SLMAP: variants seen among roughly 807,000 people sequenced by gnomAD.
The protein encoded by SLMAP is sarcolemma associated protein, also known as sarcolemmal membrane-associated protein.
A neutral mutation model predicts 128.8 loss-of-function variants in SLMAP; 44 were observed. The ratio of observed to expected loss-of-function variants is 0.34; its 90% CI spans 0.27 to 0.44. The LOEUF (loss-of-function observed/expected upper bound fraction) is 0.44, where lower values mean the gene tolerates loss of function less well. Ranked by LOEUF, SLMAP falls within the 20% of genes least tolerant of loss-of-function variation. The pLI is 1.00. For missense variants in SLMAP, 787 were observed against 985.3 expected (o/e 0.80, Z 2.69); for synonymous variants, 327 against 348.8 (o/e 0.94, Z 0.70).
intron 2 of SLMAP, among the ~76,000 whole-genome samples, chr3:57,828,253 C>T (rs1319055975): frequency 2.0e-5 from 3 of 152,148 alleles, no homozygotes; most frequent in Non-Finnish European, 2.9e-5. Context: ...GCCATCATGC[C>T]CAGCCTAGTT....
chr3:57,786,484 A>G (rs2084130983), intron 2 of SLMAP, among the ~76,000 whole-genome samples: 1 of 152,130 alleles, frequency 6.6e-6, no homozygotes, highest in Non-Finnish European at 1.5e-5. Context: ...CAGTAGAATA[A>G]TTGAGTACAG....
In SLMAP at chr3:57,862,608, A is replaced by C. The variant is rs188928340; in HGVS notation, c.966+522A>C. 1.4e-3 allele frequency among the ~76,000 whole-genome samples: 196 copies of C among 141,222 alleles called. 1 individual carries two copies. The highest frequency in any genetic ancestry group is 4.5e-3 in the African/African-American group (171 of 37,826). The allele number at this position is 141,222 out of a possible 152,430, so 92.6% of individuals were successfully genotyped here. ...AGCCAAGATTGCACCACTGCACTCC[A>C]GCCTGGCGACAGAGCAAGACTTCGT... On this transcript the variant is annotated intron_variant, in intron 10 of 24. Coordinates refer to ENST00000671191, the MANE Select transcript of SLMAP (RefSeq NM_001377540.1).
intron 14 of SLMAP, among the ~76,000 whole-genome samples, chr3:57,887,805 C>T (rs912245950): frequency 6.6e-6 from 1 of 152,084 alleles, no homozygotes; most frequent in Non-Finnish European, 1.5e-5. Context: ...CCCTGATGCC[C>T]AAACAGAACA....
intron 10 of SLMAP, among the ~76,000 whole-genome samples, chr3:57,864,237 G>A (rs1309531117): frequency 2.0e-5 from 3 of 152,036 alleles, no homozygotes; most frequent in Non-Finnish European, 4.4e-5. Context: ...GAGAAACCCC[G>A]TCTCTTCTAA....
intron 10 of SLMAP, among the ~76,000 whole-genome samples, chr3:57,863,570 G>C (rs750684136): frequency 7.2e-5 from 11 of 152,170 alleles, no homozygotes; most frequent in African/African-American, 1.2e-4. Context: ...ATGGCAGAAA[G>C]CAAAGTGGAG....
At chr3:57,823,504 A>G (rs2092690919) in intron 2 of SLMAP, among the ~76,000 whole-genome samples, 1 of 152,166 alleles carries the variant, frequency 6.6e-6, no homozygotes, top group Admixed American at 6.5e-5. Flanking sequence ...TTTGCTGAGA[A>G]TGATGGTTTC....
chr3:57,905,842 A>T (rs2096523406), intron 17 of SLMAP, among the ~76,000 whole-genome samples: 1 of 152,116 alleles, frequency 6.6e-6, no homozygotes, highest in Admixed American at 6.5e-5. Flanking sequence ...GCAATATCTG[A>T]CCAGGAAAAC....
intron 18 of SLMAP, among the ~76,000 whole-genome samples, chr3:57,908,805 G>A (rs1247296626): frequency 3.3e-5 from 5 of 152,150 alleles, no homozygotes; most frequent in Non-Finnish European, 1.5e-5. Flanking sequence ...TATCAAGACT[G>A]TTTCTCATGT....
chr3:57,913,042 A>G (rs1399042014), intron 20 of SLMAP, 116 bp from the exon 21 acceptor site: 1 of 569,396 alleles, frequency 1.8e-6, no homozygotes, highest in African/African-American at 1.9e-5. Context: ...TGTAAAATCT[A>G]CTTGCTTTTA....
chr3:57,782,290 C>G (rs1235235966), intron 2 of SLMAP, among the ~76,000 whole-genome samples: 1 of 152,148 alleles, frequency 6.6e-6, no homozygotes, highest in Non-Finnish European at 1.5e-5. Context: ...TTTAAAATTA[C>G]TTTTTGCTCT....
intron 6 of SLMAP, among the ~76,000 whole-genome samples, chr3:57,854,632 C>G (rs750977447): frequency 9.2e-5 from 14 of 152,032 alleles, no homozygotes; most frequent in Non-Finnish European, 7.4e-5. Flanking sequence ...TTTATATAAA[C>G]AACATTTTTA....
intron 2 of SLMAP, among the ~76,000 whole-genome samples, chr3:57,793,134 A>G (rs1044926133): frequency 6.9e-6 from 1 of 145,966 alleles, no homozygotes; most frequent in Non-Finnish European, 1.5e-5. Context: ...TGTCTCAATA[A>G]GAAAACCCAA....
rs182912506 is a variant in SLMAP at position 57,803,338 on chromosome 3, T to A, written c.199-28045T>A. ...AGATGAATGCATGTACTCTAGTGAA[T>A]AAACAGGCATTCCCCCTTACTAGTA... On this transcript the variant is annotated intron_variant, in intron 2 of 24. Transcript: ENST00000671191. Among the ~76,000 whole-genome samples the A allele has an allele frequency of 2.2e-4, 34 of 152,310 alleles. No homozygotes were observed. In the East Asian group the frequency reaches 6.2e-3, roughly 28 times the overall value.
chr3:57,860,867 A>T, intron 9 of SLMAP, 28 bp downstream of exon 9: 1 of 1,530,340 alleles, frequency 6.5e-7, no homozygotes, highest in Non-Finnish European at 8.9e-7. Flanking sequence ...AAAATACTAA[A>T]TAGTATTATG....
At chr3:57,847,056 G>T in intron 4 of SLMAP, 141 bp from the exon 5 acceptor site, 1 of 592,960 alleles carries the variant, frequency 1.7e-6, no homozygotes, top group South Asian at 2.4e-5. Flanking sequence ...CATTTATGAA[G>T]GATTGAAAAA....
chr3:57,911,592 A>C (rs1412183160), intron 19 of SLMAP, among the ~76,000 whole-genome samples: 1 of 152,128 alleles, frequency 6.6e-6, no homozygotes, highest in Non-Finnish European at 1.5e-5. Context: ...ATAATTCTTG[A>C]TTGTTTACTG....
chr3:57,761,424 A>G (rs1352689705), intron 2 of SLMAP, among the ~76,000 whole-genome samples: 5 of 151,886 alleles, frequency 3.3e-5, no homozygotes, highest in Non-Finnish European at 7.4e-5. Flanking sequence ...CTTCTCAAGT[A>G]GCTGAGATTA....
At chr3:57,824,154 A>G (rs948877617) in intron 2 of SLMAP, among the ~76,000 whole-genome samples, 1 of 152,236 alleles carries the variant, frequency 6.6e-6, no homozygotes, top group Non-Finnish European at 1.5e-5. Flanking sequence ...AGAGAGTTCA[A>G]TGGCAGATTT....
At chr3:57,862,158 G>A in intron 10 of SLMAP, 72 bp downstream of exon 10, 1 of 1,296,300 alleles carries the variant, frequency 7.7e-7, no homozygotes, top group Non-Finnish European at 1.1e-6. Context: ...TAAGATTTTA[G>A]GTATTGCTTT....
Sources: allele counts gnomAD v4.1 joint callset (sites outside exome capture counted in the v4.1 genomes callset), GRCh38; gene constraint gnomAD v4.1.1; transcripts MANE v1.5; gene names NCBI Gene and HGNC (gene_info 2026-07-23, HGNC 2026-07-21).